The following TP53BP2 variants were observed in gnomAD, a reference collection of about 807,000 sequenced individuals.
TP53BP2 encodes tumor protein p53 binding protein 2.
In TP53BP2, 62 loss-of-function variants were observed where a neutral mutation model predicts 126.2. The observed-to-expected ratio is 0.49, with a 90% CI of 0.40 to 0.61. TP53BP2 has a LOEUF of 0.61. Among genes scored for constraint, TP53BP2 ranks in the 20% least tolerant of loss-of-function variants. The pLI is 0.00. For synonymous variants in TP53BP2, 485 were observed against 502.9 expected (o/e 0.96, Z 0.48); for missense variants, 1,215 against 1,402.8 (o/e 0.87, Z 2.14).
At chr1:223,807,426 C>T (rs1459680401) in intron 4 of TP53BP2, among the ~76,000 whole-genome samples, 2 of 152,176 alleles carry the variant, frequency 1.3e-5, no homozygotes, top group African/African-American at 4.8e-5. Flanking sequence ...CTCACAACAT[C>T]TATTCAACAT....
rs746170855 is a variant in TP53BP2 at position 223,802,263 on chromosome 1, A to G, written c.1078T>C (p.Ser360Pro). 4 of 1,614,206 alleles carry G rather than the reference A, an allele frequency of 2.5e-6. No individual in the cohort carries two copies. In the South Asian group the frequency reaches 4.4e-5, roughly 18 times the overall value. The change falls in exon 9 of 18, where the codon TCT becomes CCT. Residue 360 changes from serine to proline, a missense_variant. Ser to Pro is a moderately conservative substitution (Grantham distance 74, BLOSUM62 -1). Transcript: ENST00000343537. ...CTTGAGGGCATCCGAGGCATAGTAG[A>G]CGACTGGATATAGGGACCTACTGCA... ...VAAVGPYIQS[S>P]TMPRMPSRPE...
chr1:223,792,502 G>A lies in TP53BP2; in HGVS notation c.2883C>T (p.Pro961=). The change falls in exon 15 of 18, where the codon CCC becomes CCT. Residue 961 remains proline (P), a synonymous_variant. Coordinates refer to ENST00000343537, the MANE Select transcript of TP53BP2 (RefSeq NM_001031685.3). The part of the protein sequence containing the change: ...IIYEVDDPSL[P]NDEGITALHN... ...GAAGAGCCGTGATGCCTTCATCATT[G>A]GGGAGGCTTGGGTCATCAACCTATA... 1 of 1,613,974 alleles carries A rather than the reference G, an allele frequency of 6.2e-7. No individual in the cohort carries two copies. The highest frequency in any genetic ancestry group is 2.2e-5 in the East Asian group (1 of 44,862).
chr1:223,792,783 T>C (rs544544026), intron 14 of TP53BP2, among the ~76,000 whole-genome samples: 1 of 151,786 alleles, frequency 6.6e-6, no homozygotes, highest in Admixed American at 6.6e-5. Context: ...TATATCCTTA[T>C]AGTCATTTTT....
intron 16 of TP53BP2, among the ~76,000 whole-genome samples, chr1:223,787,403 A>G (rs1662007473): frequency 6.6e-6 from 1 of 150,912 alleles, no homozygotes; most frequent in Non-Finnish European, 1.5e-5. Context: ...TATATATATA[A>G]ATTTTTAAAT....
At chr1:223,844,488 G>A (rs1664206768) in intron 1 of TP53BP2, among the ~76,000 whole-genome samples, 1 of 152,086 alleles carries the variant, frequency 6.6e-6, no homozygotes, top group Non-Finnish European at 1.5e-5. Context: ...CTTATCTATG[G>A]TCCATTATTT....
intron 3 of TP53BP2, among the ~76,000 whole-genome samples, chr1:223,811,531 GA>G (rs927754235): frequency 4.0e-5 from 6 of 151,186 alleles, no homozygotes; most frequent in East Asian, 1.9e-4. Flanking sequence ...ATTTCTGTAA[GA>G]AAAAAAAACT....
chr1:223,798,770 A>G, intron 11 of TP53BP2, 93 bp from the exon 12 acceptor site: 3 of 1,119,748 alleles, frequency 2.7e-6, no homozygotes, highest in Middle Eastern at 3.1e-4. Flanking sequence ...GTAAATATAC[A>G]CTATAAAAAT....
intron 10 of TP53BP2, among the ~76,000 whole-genome samples, 166 bp from the exon 11 acceptor site, chr1:223,800,213 G>A (rs1310726540): frequency 2.6e-5 from 4 of 151,336 alleles, no homozygotes; most frequent in African/African-American, 4.9e-5. Flanking sequence ...TATAATGATC[G>A]TACCTGAGTT....
intron 8 of TP53BP2, 64 bp from the exon 9 acceptor site, chr1:223,802,408 T>C (rs2102853112): frequency 6.9e-7 from 1 of 1,456,514 alleles, no homozygotes; most frequent in African/African-American, 1.4e-5. Context: ...ACTTAGAAAC[T>C]AAGATGTGAC....
intron 17 of TP53BP2, among the ~76,000 whole-genome samples, chr1:223,782,490 G>A (rs1571831739): frequency 6.6e-6 from 1 of 152,248 alleles, no homozygotes; most frequent in African/African-American, 2.4e-5. Flanking sequence ...CTTTCCTCTG[G>A]TCATCTGAAA....
Position 223,784,174 on chromosome 1 carries a change from C to T in TP53BP2, c.3304G>A (p.Glu1102Lys), listed in dbSNP as rs199696500. The stretch of plus-strand genomic sequence containing the variant: ...TCATTAAGGCGCGCCCACCACCATT[C>T]GATTTCATCTTCGTCTTCCCTGTGG... ...IIHREDEDEI[E>K]WWWARLNDKE... The change falls in exon 17 of 18, where the codon GAA becomes AAA. Residue 1102 changes from glutamate to lysine, a missense_variant. Physicochemically the swap from Glu to Lys is moderately conservative, Grantham distance 56. Coordinates refer to ENST00000343537, the MANE Select transcript of TP53BP2 (RefSeq NM_001031685.3). 5.6e-6 allele frequency: 9 copies of T among 1,614,198 alleles called. No homozygotes were observed. The East Asian group carries it at 1.6e-4, about 28-fold the overall frequency.
chr1:223,843,245 C>A (rs1267146325), intron 1 of TP53BP2, among the ~76,000 whole-genome samples: 3 of 151,800 alleles, frequency 2.0e-5, no homozygotes. Context: ...GCCATCTCGG[C>A]TCACTGCAAC....
In TP53BP2 at chr1:223,840,523, T is replaced by G. The variant is rs1664069492; in HGVS notation, c.27+5131A>C. Among the ~76,000 whole-genome samples the G allele has an allele frequency of 3.9e-5, 6 of 152,240 alleles. No individual in the cohort carries two copies. The South Asian group carries it at 1.2e-3, about 32-fold the overall frequency. ...GAGAAAGCTGGTGAGAGGTATGGTA[T>G]GCAGTTATCCCATTTAAGCTAAGGA... On this transcript the variant is annotated intron_variant, in intron 1 of 17. Coordinates refer to ENST00000343537, the MANE Select transcript of TP53BP2 (RefSeq NM_001031685.3).
intron 1 of TP53BP2, among the ~76,000 whole-genome samples, chr1:223,843,639 G>C (rs1336390787): frequency 1.3e-5 from 2 of 152,080 alleles, no homozygotes; most frequent in South Asian, 4.2e-4. Context: ...AGTACATCAA[G>C]GCAATTGTCT....
chr1:223,812,305 C>A (rs1662936601), intron 3 of TP53BP2, among the ~76,000 whole-genome samples: 1 of 152,188 alleles, frequency 6.6e-6, no homozygotes, highest in African/African-American at 2.4e-5. Flanking sequence ...CTCAGCTAAC[C>A]CGTACTATAA....
chr1:223,801,772 CAT>C (rs1387619953), intron 9 of TP53BP2, among the ~76,000 whole-genome samples: 3 of 152,290 alleles, frequency 2.0e-5, no homozygotes, highest in East Asian at 1.9e-4. Flanking sequence ...ACCACAAACA[CAT>C]ATGTTTTTAC....
chr1:223,797,582 T>C (rs934089435), intron 12 of TP53BP2, among the ~76,000 whole-genome samples: 6 of 152,066 alleles, frequency 3.9e-5, no homozygotes, highest in Non-Finnish European at 8.8e-5. Flanking sequence ...CCAGCTAATT[T>C]TGTATTTTGG....
At chr1:223,815,293 C>A (rs778992446) in intron 2 of TP53BP2, among the ~76,000 whole-genome samples, 2 of 152,174 alleles carry the variant, frequency 1.3e-5, no homozygotes, top group Non-Finnish European at 2.9e-5. Context: ...TGCTTGGCTG[C>A]AACAAAATGC....
chr1:223,834,865 CT>C (rs1663866382), intron 1 of TP53BP2: 8 of 985,414 alleles, frequency 8.1e-6, no homozygotes, highest in Non-Finnish European at 9.6e-6. Context: ...CTTTGCTTCT[CT>C]GACAACCATT....
Sources: gnomAD v4.1 joint callset for allele counts (sites outside exome capture counted in the v4.1 genomes callset) on GRCh38, gnomAD v4.1.1 for gene constraint, MANE v1.5 for transcripts, NCBI Gene and HGNC (gene_info 2026-07-23, HGNC 2026-07-21) for gene names.